MYOCD: variants seen among roughly 807,000 people sequenced by gnomAD.
MYOCD encodes the protein myocardin.
In MYOCD, 32 loss-of-function variants were observed where a neutral mutation model predicts 96.1. The observed-to-expected ratio is 0.33, with a 90% CI of 0.25 to 0.45. The LOEUF (loss-of-function observed/expected upper bound fraction) is 0.45. Among genes scored for constraint, MYOCD ranks in the 20% least tolerant of loss-of-function variants. MYOCD has a pLI of 1.00. For missense variants in MYOCD, 1,133 were observed against 1,200.6 expected, an observed-to-expected ratio of 0.94 and a Z score of 0.83; for synonymous variants, 469 against 469.0, an observed-to-expected ratio of 1.00 and a Z score of 0.00.
chr17:12,683,113 A>G (rs973149456), intron 1 of MYOCD, among the ~76,000 whole-genome samples: 7 of 152,126 alleles, frequency 4.6e-5, no homozygotes, highest in Non-Finnish European at 8.8e-5. Flanking sequence ...TTCTCCCGCA[A>G]TATTGACTGG....
intron 4 of MYOCD, among the ~76,000 whole-genome samples, chr17:12,719,622 G>A (rs995937333): frequency 1.1e-4 from 16 of 151,228 alleles, no homozygotes; most frequent in African/African-American, 3.6e-4. Context: ...GGAGGCCGAG[G>A]CGGGCGGATC....
Position 12,763,066 on chromosome 17 carries a change from C to A in MYOCD, c.2390-7C>A. 6.3e-7 allele frequency: 1 copy of A among 1,599,002 alleles called. No individual in the cohort carries two copies. The highest frequency in any genetic ancestry group is 8.5e-7 in the Non-Finnish European group (1 of 1,173,528). Reference sequence around the variant, plus strand: ...ATTTAACAAGTCACATCGTGTATTGCCCACAGAAATGCCAGCAGACGCTAG... The same window carrying A: ...ATTTAACAAGTCACATCGTGTATTGACCACAGAAATGCCAGCAGACGCTAG... On this transcript the variant is annotated splice_polypyrimidine_tract_variant and splice_region_variant and intron_variant, in intron 13 of 13. Transcript: ENST00000425538.
In MYOCD at chr17:12,760,339, G is replaced by A; in HGVS notation, c.2332-311G>A. Reference sequence around the variant, plus strand: ...GCAGAAAGGAAAATGGCGGTTGCCAGGGGCTAAAGGATGGGGTGTGGGAAA... The same window carrying A: ...GCAGAAAGGAAAATGGCGGTTGCCAAGGGCTAAAGGATGGGGTGTGGGAAA... On this transcript the variant is annotated intron_variant, in intron 12 of 13. Coordinates refer to ENST00000425538, the MANE Select transcript of MYOCD (RefSeq NM_001146312.3). 4 of 346,624 alleles carry A rather than the reference G, an allele frequency of 1.2e-5. No homozygotes were observed. In the South Asian group the frequency reaches 1.3e-4, roughly 11 times the overall value. The allele number at this position is 346,624 out of a possible 1,614,324, so 21.5% of individuals were successfully genotyped here.
rs1597823598 is a variant in MYOCD at position 12,763,788 on chromosome 17, C to T, written c.*144C>T. On this transcript the variant is annotated 3_prime_UTR_variant, in exon 14 of 14. Transcript: ENST00000425538. ...TGATTTCTGTGCCAATGAACAAGAA[C>T]AAAAGTCATTTTTAGAAATACATAT... is the stretch of plus-strand genomic sequence containing the variant. 9.4e-6 allele frequency: 7 copies of T among 743,766 alleles called. No individual in the cohort carries two copies. The highest frequency in any genetic ancestry group is 1.2e-5 in the Non-Finnish European group (6 of 481,104). 46.1% of individuals were successfully genotyped at this position (743,766 alleles called of 1,614,324 possible).
chr17:12,750,754 A>G (rs1159206362), intron 9 of MYOCD, among the ~76,000 whole-genome samples: 2 of 152,194 alleles, frequency 1.3e-5, no homozygotes, highest in Non-Finnish European at 2.9e-5. Context: ...TCATTTGCCA[A>G]CTTAATCAAT....
At chr17:12,735,633 T>C (rs1389597094) in intron 5 of MYOCD, among the ~76,000 whole-genome samples, 1 of 152,182 alleles carries the variant, frequency 6.6e-6, no homozygotes, top group African/African-American at 2.4e-5. Flanking sequence ...AATTCTGACA[T>C]TTAGGAATTT....
intron 10 of MYOCD, among the ~76,000 whole-genome samples, chr17:12,753,810 T>C (rs921779537): frequency 2.0e-5 from 3 of 152,092 alleles, no homozygotes; most frequent in East Asian, 1.9e-4. Context: ...GCCAAACCAA[T>C]GCCTCAAAGG....
rs796402604 is a variant in MYOCD, at chr17:12,768,888, C to A, written c.*5244C>A. On this transcript the variant is annotated 3_prime_UTR_variant, in exon 14 of 14. Coordinates refer to ENST00000425538, the MANE Select transcript of MYOCD (RefSeq NM_001146312.3). ...TAAAATACCAAAGTTGGCATGTGTT[C>A]TTTTTTAAAAAAAAAAAAAAATGCA... 4.0e-4 allele frequency: 52 copies of A among 130,602 alleles called. No individual in the cohort carries two copies. The highest frequency in any genetic ancestry group is 1.2e-3 in the Admixed American group (15 of 12,906). 8.1% of individuals were successfully genotyped at this position (130,602 alleles called of 1,614,324 possible).
At chr17:12,677,829 T>C (rs545312760) in intron 1 of MYOCD, among the ~76,000 whole-genome samples, 18 of 152,174 alleles carry the variant, frequency 1.2e-4, no homozygotes, top group Non-Finnish European at 2.1e-4. Context: ...AAATTCACAA[T>C]GACCAGCCTC....
rs1480686755 is a variant in MYOCD, at chr17:12,765,524, C to CA, written c.*1881dup. On this transcript the variant is annotated 3_prime_UTR_variant, in exon 14 of 14. Transcript: ENST00000425538. The stretch of plus-strand genomic sequence containing the variant: ...TGGGGGTGGGATGTGGAGGAATACA[C>CA]ATACACACACAAACATACATGTATG... 2 of 151,658 alleles carry CA rather than the reference C, an allele frequency of 1.3e-5. No homozygotes were observed. Among genetic ancestry groups the CA allele is most frequent in the Non-Finnish European group, 2.9e-5 (2 of 68,026 alleles). 9.4% of individuals were successfully genotyped at this position (151,658 alleles called of 1,614,324 possible).
At chr17:12,712,104 A>T (rs940370584) in intron 2 of MYOCD, among the ~76,000 whole-genome samples, 5 of 151,286 alleles carry the variant, frequency 3.3e-5, no homozygotes, top group Non-Finnish European at 5.9e-5. Flanking sequence ...CTCATGATCC[A>T]CCTGCCTCAG....
chr17:12,695,409 A>G (rs1423792159), intron 1 of MYOCD, among the ~76,000 whole-genome samples: 3 of 152,238 alleles, frequency 2.0e-5, no homozygotes, highest in Non-Finnish European at 4.4e-5. Flanking sequence ...CATCTTGAGG[A>G]TTAAGATCGC....
chr17:12,744,407 C>T lies in MYOCD; in HGVS notation c.942C>T (p.Ser314=). The change falls in exon 8 of 14, where the codon AGC becomes AGT. Residue 314 remains serine (S), a synonymous_variant. Coordinates refer to ENST00000425538, the MANE Select transcript of MYOCD (RefSeq NM_001146312.3). The part of the protein sequence containing the change: ...QQQQQQQHRF[S]YLGMHQAQLK... ...AGCAGCAGCAGCAACACCGATTCAG[C>T]TACCTAGGGATGCACCAAGCTCAGC... is the stretch of plus-strand genomic sequence containing the variant. 6.2e-7 allele frequency: 1 copy of T among 1,613,244 alleles called. No homozygotes were observed. The highest frequency in any genetic ancestry group is 8.5e-7 in the Non-Finnish European group (1 of 1,179,554).
intron 10 of MYOCD, among the ~76,000 whole-genome samples, chr17:12,755,629 C>CT (rs1273481012): frequency 1.3e-5 from 2 of 151,850 alleles, no homozygotes; most frequent in Non-Finnish European, 2.9e-5. Context: ...GTAATCCCAG[C>CT]TTGAGAGGCT....
intron 7 of MYOCD, among the ~76,000 whole-genome samples, chr17:12,743,434 C>T (rs960984824): frequency 1.3e-5 from 2 of 149,406 alleles, no homozygotes; most frequent in Admixed American, 6.7e-5. Flanking sequence ...ATTAATAAGT[C>T]GACTTATTAA....
chr17:12,755,048 T>C (rs1415534802), intron 10 of MYOCD, among the ~76,000 whole-genome samples: 2 of 152,206 alleles, frequency 1.3e-5, no homozygotes, highest in African/African-American at 4.8e-5. Context: ...AAGTAATTTT[T>C]ACAAACCTAC....
intron 9 of MYOCD, among the ~76,000 whole-genome samples, chr17:12,746,688 G>A (rs907488484): frequency 1.3e-5 from 2 of 148,240 alleles, no homozygotes; most frequent in Admixed American, 6.7e-5. Context: ...ACGGTAATTA[G>A]TATAGGTATA....
intron 2 of MYOCD, among the ~76,000 whole-genome samples, chr17:12,715,258 C>T (rs1169836166): frequency 6.6e-6 from 1 of 152,000 alleles, no homozygotes; most frequent in Non-Finnish European, 1.5e-5. Context: ...ACTTGGAATG[C>T]CCTGCCTCCA....
chr17:12,669,382 G>A (rs1025233476), intron 1 of MYOCD, among the ~76,000 whole-genome samples: 7 of 152,068 alleles, frequency 4.6e-5, no homozygotes, highest in East Asian at 3.9e-4. Context: ...ATCTTAAACC[G>A]CGCAAACAGA....
Sources: gnomAD v4.1 joint callset for allele counts (sites outside exome capture counted in the v4.1 genomes callset) on GRCh38, gnomAD v4.1.1 for gene constraint, MANE v1.5 for transcripts, NCBI Gene and HGNC (gene_info 2026-07-23, HGNC 2026-07-21) for gene names.